The following PTK2 variants were observed in gnomAD, a reference collection of about 807,000 sequenced individuals.
PTK2 encodes focal adhesion kinase 1.
In PTK2, 45 loss-of-function variants were observed where a neutral mutation model predicts 150.1. The observed-to-expected ratio is 0.30, with a 90% CI of 0.24 to 0.38. The LOEUF is 0.38. Ranked by LOEUF, PTK2 falls within the 10% of genes least tolerant of loss-of-function variation. The pLI is 1.00. For missense variants in PTK2, 919 were observed against 1,307.3 expected (o/e 0.70, Z 4.58); for synonymous variants, 432 against 449.2 (o/e 0.96, Z 0.48).
chr8:140,887,876 G>T (rs2100152896), intron 3 of PTK2, among the ~76,000 whole-genome samples: 1 of 152,034 alleles, frequency 6.6e-6, no homozygotes, highest in Non-Finnish European at 1.5e-5. Context: ...TGTCAATTCA[G>T]ACTAGCCACA....
At chr8:140,737,098 A>T (rs2100053008) in intron 21 of PTK2, among the ~76,000 whole-genome samples, 3 of 152,196 alleles carry the variant, frequency 2.0e-5, no homozygotes, top group African/African-American at 7.2e-5. Flanking sequence ...ATTTCTTGAG[A>T]ACTTAATGTG....
intron 5 of PTK2, among the ~76,000 whole-genome samples, chr8:140,849,238 G>C (rs948292933): frequency 6.6e-6 from 1 of 152,076 alleles, no homozygotes; most frequent in Non-Finnish European, 1.5e-5. Flanking sequence ...CCACAGACCC[G>C]TGTCCTCCCC....
intron 27 of PTK2, among the ~76,000 whole-genome samples, chr8:140,681,010 TAAAC>T (rs1419632443): frequency 6.6e-6 from 1 of 152,220 alleles, no homozygotes; most frequent in African/African-American, 2.4e-5. Context: ...GCATTTAACT[TAAAC>T]AGACATCTGC....
At chr8:140,931,759 A>AC (rs2100171871) in intron 1 of PTK2, among the ~76,000 whole-genome samples, 2 of 151,420 alleles carry the variant, frequency 1.3e-5, no homozygotes, top group African/African-American at 4.9e-5. Flanking sequence ...ACATAGTGAG[A>AC]CCCCCATCTC....
intron 2 of PTK2, among the ~76,000 whole-genome samples, chr8:140,919,447 T>G (rs960561144): frequency 6.6e-6 from 1 of 152,184 alleles, no homozygotes. Flanking sequence ...AGAAATCCAG[T>G]AGCTGATAAT....
intron 1 of PTK2, among the ~76,000 whole-genome samples, chr8:140,978,685 T>C (rs1040225104): frequency 4.0e-5 from 6 of 151,882 alleles, no homozygotes; most frequent in African/African-American, 1.5e-4. Context: ...AGTTCAACCA[T>C]TGTGGAAGTC....
chr8:140,837,598 G>A (rs2100119502), intron 7 of PTK2, among the ~76,000 whole-genome samples: 2 of 151,768 alleles, frequency 1.3e-5, no homozygotes, highest in Admixed American at 1.3e-4. Context: ...GCGTGGTGGT[G>A]CACACCTGTA....
chr8:140,896,991 T>C (rs1484840203), intron 2 of PTK2, among the ~76,000 whole-genome samples: 3 of 152,366 alleles, frequency 2.0e-5, no homozygotes, highest in African/African-American at 7.2e-5. Flanking sequence ...CTGATCATTT[T>C]AGCTAACTCT....
intron 26 of PTK2, among the ~76,000 whole-genome samples, chr8:140,693,217 A>C (rs2100024254): frequency 2.0e-5 from 3 of 149,738 alleles, no homozygotes; most frequent in Non-Finnish European, 3.0e-5. Context: ...TTGCAGGCAC[A>C]GAACTATTTC....
intron 26 of PTK2, among the ~76,000 whole-genome samples, chr8:140,694,682 G>A (rs1380081928): frequency 1.3e-5 from 2 of 152,092 alleles, no homozygotes; most frequent in South Asian, 2.1e-4. Flanking sequence ...TCATGCCAAA[G>A]GCCAAGACCC....
At chr8:140,682,430 C>A (rs760238645) in intron 27 of PTK2, among the ~76,000 whole-genome samples, 2 of 152,086 alleles carry the variant, frequency 1.3e-5, no homozygotes, top group Non-Finnish European at 2.9e-5. Flanking sequence ...GTGTTAACAA[C>A]GGCTAATATG....
chr8:140,689,138 G>A (rs2100021665), intron 26 of PTK2, among the ~76,000 whole-genome samples: 1 of 152,192 alleles, frequency 6.6e-6, no homozygotes, highest in Non-Finnish European at 1.5e-5. Flanking sequence ...GATTCCAACT[G>A]GCAACTGAAG....
chr8:140,707,153 T>C lies in PTK2; in HGVS notation c.2143-948A>G, dbSNP rs1228338017. Among the ~76,000 whole-genome samples, 5 of 152,160 alleles carry C rather than the reference T, an allele frequency of 3.3e-5. No individual in the cohort carries two copies. In the East Asian group the frequency reaches 5.8e-4, roughly 18 times the overall value. On this transcript the variant is annotated intron_variant, in intron 23 of 31. Transcript: ENST00000522684. ...CTAGAATAGGAAAGATTAATATAGATAGCAAGTACATAAGTGGTTGCCAGG... is the reference window on the plus strand; with the variant it reads ...CTAGAATAGGAAAGATTAATATAGACAGCAAGTACATAAGTGGTTGCCAGG...
At chr8:140,823,550 G>A (rs1256107434) in intron 8 of PTK2, among the ~76,000 whole-genome samples, 1 of 151,932 alleles carries the variant, frequency 6.6e-6, no homozygotes. Context: ...TCTAAAACCT[G>A]CCACTAAGAG....
At position 140,985,372 on chromosome 8, in the gene PTK2, G is replaced by A. The variant is rs145856528; in HGVS notation, c.-122+15753C>T. ...ACTCCTAGACTCAAGTGATCCTCCC[G>A]CCCAGGCCTCCCAAAGTGCTCGAAT... On this transcript the variant is annotated intron_variant, in intron 1 of 31. Transcript: ENST00000522684. 7.4e-3 allele frequency among the ~76,000 whole-genome samples: 1,121 copies of A among 152,066 alleles called. 12 individuals carry two copies. Among genetic ancestry groups the A allele is most frequent in the African/African-American group, 0.025 (1,034 of 41,448 alleles).
intron 5 of PTK2, among the ~76,000 whole-genome samples, chr8:140,859,797 G>T (rs7005021): frequency 0.47 from 65,975 of 140,606 alleles, 15,091 homozygotes; most frequent in Admixed American, 0.61. Flanking sequence ...GAAACCTCTG[G>T]ATTCCAAACT....
chr8:140,710,326 T>A (rs1169915918), intron 23 of PTK2, among the ~76,000 whole-genome samples: 2 of 48,070 alleles, frequency 4.2e-5, no homozygotes, highest in Non-Finnish European at 8.0e-5. Context: ...CGAGACCTTG[T>A]CTCAAAAAAA....
In PTK2 at chr8:140,998,691, C is replaced by T. The variant is rs1252204108; in HGVS notation, c.-122+2434G>A. On this transcript the variant is annotated intron_variant, in intron 1 of 31. Coordinates refer to ENST00000522684, the Ensembl canonical transcript of PTK2. ...AAAATTAGCCGGGCGTGGTGGCGGG[C>T]GCCTGTAGTCCCAGCTACTTGGGAG... 2.6e-5 allele frequency among the ~76,000 whole-genome samples: 4 copies of T among 151,698 alleles called. No individual in the cohort carries two copies. The East Asian group carries it at 7.7e-4, about 29-fold the overall frequency.
chr8:140,943,976 T>TG (rs1477084962), intron 1 of PTK2, among the ~76,000 whole-genome samples: 1 of 152,208 alleles, frequency 6.6e-6, no homozygotes, highest in Admixed American at 6.5e-5. Context: ...GAAAAAATGC[T>TG]GAAGTGTTTG....
Sources: gnomAD v4.1 joint callset for allele counts (sites outside exome capture counted in the v4.1 genomes callset) on GRCh38, gnomAD v4.1.1 for gene constraint, MANE v1.5 for transcripts, NCBI Gene and HGNC (gene_info 2026-07-23, HGNC 2026-07-21) for gene names.